RASGRF2: variants seen among roughly 807,000 people sequenced by gnomAD.
The protein encoded by RASGRF2 is ras-specific guanine nucleotide-releasing factor 2.
In RASGRF2, 76 loss-of-function variants were observed where a neutral mutation model predicts 151.0. The ratio of observed to expected loss-of-function variants is 0.50; its 90% CI spans 0.42 to 0.61. The LOEUF (loss-of-function observed/expected upper bound fraction) is 0.61, where lower values mean the gene tolerates loss of function less well. Ranked by LOEUF, RASGRF2 falls within the 20% of genes least tolerant of loss-of-function variation. The pLI, the probability that RASGRF2 is intolerant of heterozygous loss-of-function variation, is 0.00. For missense variants in RASGRF2, 1,148 were observed against 1,564.6 expected (o/e 0.73, Z 4.49); for synonymous variants, 504 against 566.5 (o/e 0.89, Z 1.57).
chr5:81,096,068 G>C (rs1190439288), intron 12 of RASGRF2: 1 of 152,068 alleles, frequency 6.6e-6, no homozygotes, highest in Non-Finnish European at 1.5e-5. Flanking sequence ...ACCTAATTTG[G>C]GTCTTTTTTT....
At chr5:81,194,759 T>C (rs893909837) in intron 18 of RASGRF2, among the ~76,000 whole-genome samples, 4 of 152,180 alleles carry the variant, frequency 2.6e-5, no homozygotes, top group African/African-American at 9.6e-5. Context: ...CCCTTGCAGA[T>C]GGACGCCCTC....
intron 1 of RASGRF2, among the ~76,000 whole-genome samples, chr5:81,018,277 A>T (rs764947743): frequency 1.3e-5 from 2 of 152,124 alleles, no homozygotes; most frequent in Non-Finnish European, 2.9e-5. Flanking sequence ...AAGTGTGAGG[A>T]GAAGGGGAGG....
chr5:80,999,226 T>G (rs1182629944), intron 1 of RASGRF2, among the ~76,000 whole-genome samples: 1 of 152,198 alleles, frequency 6.6e-6, no homozygotes, highest in Non-Finnish European at 1.5e-5. Flanking sequence ...CAGGTCTCTC[T>G]GTGTACCTGG....
rs911686730 is a variant in RASGRF2, at chr5:81,171,624, C to G, written c.2687-8551C>G. Among the ~76,000 whole-genome samples, 7 of 152,038 alleles carry G rather than the reference C, an allele frequency of 4.6e-5. No individual in the cohort carries two copies. The East Asian group carries it at 1.2e-3, about 25-fold the overall frequency. On this transcript the variant is annotated intron_variant, in intron 17 of 26. Coordinates refer to ENST00000265080, the MANE Select transcript of RASGRF2 (RefSeq NM_006909.3). ...AGAGCATTTGCTGTATTTTCAAAGG[C>G]CTTTCTGAGTAATATGGATTTTGCT... is the stretch of plus-strand genomic sequence containing the variant.
chr5:81,004,909 C>T (rs1749214593), intron 1 of RASGRF2, among the ~76,000 whole-genome samples: 1 of 152,152 alleles, frequency 6.6e-6, no homozygotes, highest in Admixed American at 6.5e-5. Flanking sequence ...GTGCAGTACA[C>T]GTTGATATTA....
intron 1 of RASGRF2, among the ~76,000 whole-genome samples, chr5:80,973,414 C>T (rs1357550295): frequency 2.0e-5 from 3 of 152,214 alleles, no homozygotes; most frequent in African/African-American, 7.2e-5. Flanking sequence ...TGCGCCTCCA[C>T]GTATTCTGGG....
intron 1 of RASGRF2, among the ~76,000 whole-genome samples, chr5:80,962,410 T>C (rs546755405): frequency 6.6e-6 from 1 of 152,178 alleles, no homozygotes; most frequent in Admixed American, 6.5e-5. Flanking sequence ...GGAATATATA[T>C]AAGTAACATT....
chr5:80,988,012 T>C (rs1356117556), intron 1 of RASGRF2, among the ~76,000 whole-genome samples: 7 of 34,138 alleles, frequency 2.1e-4, no homozygotes, highest in South Asian at 1.3e-3. Flanking sequence ...AATGTGCGTG[T>C]GTGTGTGTGT....
At chr5:81,224,871 T>C (rs1038431908) in intron 26 of RASGRF2, among the ~76,000 whole-genome samples, 2 of 152,186 alleles carry the variant, frequency 1.3e-5, no homozygotes, top group Non-Finnish European at 2.9e-5. Context: ...GGGCAGTGCT[T>C]GATTCCAAGA....
chr5:81,157,354 T>TAA (rs559651337), intron 17 of RASGRF2, among the ~76,000 whole-genome samples: 12 of 108,204 alleles, frequency 1.1e-4, no homozygotes, highest in African/African-American at 1.7e-4. Context: ...AGAGTCTGTC[T>TAA]AAAAAAAAAA....
chr5:81,016,084 G>A (rs1344367135), intron 1 of RASGRF2, among the ~76,000 whole-genome samples: 1 of 152,206 alleles, frequency 6.6e-6, no homozygotes. Flanking sequence ...ACGAGAGTTG[G>A]CTATCTCTCT....
intron 18 of RASGRF2, among the ~76,000 whole-genome samples, chr5:81,194,236 G>T (rs1161045189): frequency 6.6e-6 from 1 of 150,954 alleles, no homozygotes; most frequent in Admixed American, 6.6e-5. Context: ...TGTGCCTGTA[G>T]TCCCAGCTAC....
At chr5:81,084,627 A>G (rs751159198) in intron 7 of RASGRF2, among the ~76,000 whole-genome samples, 4 of 152,148 alleles carry the variant, frequency 2.6e-5, no homozygotes, top group Non-Finnish European at 5.9e-5. Flanking sequence ...GTGTAAATGG[A>G]CACACTCAAT....
At chr5:80,993,185 T>C (rs1748709818) in intron 1 of RASGRF2, among the ~76,000 whole-genome samples, 1 of 152,202 alleles carries the variant, frequency 6.6e-6, no homozygotes, top group African/African-American at 2.4e-5. Flanking sequence ...AGTCTAAGCC[T>C]GCACCTCCCT....
intron 1 of RASGRF2, among the ~76,000 whole-genome samples, chr5:80,985,429 A>C (rs776145425): frequency 1.9e-4 from 29 of 152,358 alleles, no homozygotes; most frequent in Middle Eastern, 3.4e-3. Flanking sequence ...CTACATAACA[A>C]GTTCAAAATT....
chr5:81,194,756 A>T (rs1755225084), intron 18 of RASGRF2, among the ~76,000 whole-genome samples: 1 of 152,164 alleles, frequency 6.6e-6, no homozygotes, highest in Non-Finnish European at 1.5e-5. Flanking sequence ...GGCCCCTTGC[A>T]GATGGACGCC....
chr5:80,998,311 T>A (rs1748963250), intron 1 of RASGRF2, among the ~76,000 whole-genome samples: 1 of 152,212 alleles, frequency 6.6e-6, no homozygotes, highest in Non-Finnish European at 1.5e-5. Flanking sequence ...TTCTCTACTT[T>A]CTGCCCTACC....
chr5:81,026,457 T>A (rs976697625), intron 1 of RASGRF2, among the ~76,000 whole-genome samples: 3 of 152,106 alleles, frequency 2.0e-5, no homozygotes, highest in Admixed American at 1.3e-4. Flanking sequence ...GATTTACATA[T>A]GTACCCACAC....
At chr5:81,028,361 T>C (rs200785755) in intron 1 of RASGRF2, among the ~76,000 whole-genome samples, 1 of 50,820 alleles carries the variant, frequency 2.0e-5, no homozygotes, top group Non-Finnish European at 4.4e-5. Context: ...TGCATTTCAC[T>C]GAGAAAAATT....
Sources: allele counts gnomAD v4.1 joint callset (sites outside exome capture counted in the v4.1 genomes callset), GRCh38; gene constraint gnomAD v4.1.1; transcripts MANE v1.5; gene names NCBI Gene and HGNC (gene_info 2026-07-23, HGNC 2026-07-21).